MTAP: variants seen among roughly 807,000 people sequenced by gnomAD.
The protein encoded by MTAP is S-methyl-5'-thioadenosine phosphorylase.
A neutral mutation model predicts 33.6 loss-of-function variants in MTAP; 33 were observed. The ratio of observed to expected loss-of-function variants is 0.98; its 90% CI spans 0.74 to 1.31. The LOEUF (loss-of-function observed/expected upper bound fraction) is 1.31. Ranked by LOEUF, MTAP falls within the 40% of genes most tolerant of loss-of-function variation. The pLI, the probability that MTAP is intolerant of heterozygous loss-of-function variation, is 0.00. For missense variants in MTAP, 367 were observed against 360.0 expected (o/e 1.02, Z -0.16); for synonymous variants, 148 against 125.7 (o/e 1.18, Z -1.19).
At chr9:21,904,983 C>G (rs1286266225) in intron 1 of MTAP, among the ~76,000 whole-genome samples, 1 of 152,152 alleles carries the variant, frequency 6.6e-6, no homozygotes, top group African/African-American at 2.4e-5. Flanking sequence ...CTAGGGGGAG[C>G]ATTTTTGGGG....
intron 5 of MTAP, among the ~76,000 whole-genome samples, chr9:21,853,834 C>G (rs1391891108): frequency 6.6e-6 from 1 of 152,070 alleles, no homozygotes; most frequent in Non-Finnish European, 1.5e-5. Context: ...GATGATTTTT[C>G]AACAGTGCTT....
At chr9:21,861,699 G>A (rs2118572783) in intron 7 of MTAP, 1 of 437,484 alleles carries the variant, frequency 2.3e-6, no homozygotes, top group Admixed American at 3.9e-5. Flanking sequence ...CAGGCTGGGG[G>A]CTGGTATGGC....
chr9:21,912,190 T>A (rs1303923611), intron 1 of MTAP, among the ~76,000 whole-genome samples: 4 of 152,224 alleles, frequency 2.6e-5, no homozygotes, highest in African/African-American at 4.8e-5. Flanking sequence ...CACAGCCGAA[T>A]TCTACCAGAG....
chr9:21,817,813 AG>A (rs2118054388), intron 3 of MTAP, among the ~76,000 whole-genome samples: 1 of 152,224 alleles, frequency 6.6e-6, no homozygotes, highest in Non-Finnish European at 1.5e-5. Flanking sequence ...GGTCCTCACT[AG>A]GGTCTGTCTG....
intron 1 of MTAP, among the ~76,000 whole-genome samples, chr9:21,916,545 G>A (rs1338301492): frequency 2.0e-5 from 3 of 152,050 alleles, no homozygotes; most frequent in Admixed American, 6.6e-5. Context: ...AGGAGATGGA[G>A]GTTGCAGTGA....
chr9:21,878,747 A>G (rs956676330), intron 1 of MTAP, among the ~76,000 whole-genome samples: 5 of 152,128 alleles, frequency 3.3e-5, no homozygotes, highest in African/African-American at 1.2e-4. Flanking sequence ...AAATTTTAGC[A>G]AGTTGTATCT....
intron 1 of MTAP, among the ~76,000 whole-genome samples, chr9:21,902,265 A>G (rs1818404992): frequency 1.3e-5 from 2 of 152,218 alleles, no homozygotes; most frequent in South Asian, 4.1e-4. Context: ...CTGCTAAGCT[A>G]GTGTCCCTTC....
rs748163480 is a variant in MTAP at position 21,824,514 on chromosome 9, G to A, written c.347+6312G>A. ...GTGTGAGGTGTCAGTCTGCCCTACT[G>A]GGGGGTGCCTCACAGTTAGCCTACT... is the stretch of plus-strand genomic sequence containing the variant. On this transcript the variant is annotated intron_variant, in intron 4 of 7. Transcript: ENST00000644715. 7.2e-5 allele frequency among the ~76,000 whole-genome samples: 11 copies of A among 152,204 alleles called. No individual in the cohort carries two copies. The East Asian group carries it at 1.7e-3, about 24-fold the overall frequency.
At chr9:21,886,750 A>G (rs1818117101) in intron 1 of MTAP, among the ~76,000 whole-genome samples, 1 of 152,122 alleles carries the variant, frequency 6.6e-6, no homozygotes, top group African/African-American at 2.4e-5. Context: ...GGATATAAGT[A>G]TTGGACTTTA....
At chr9:21,847,678 G>A (rs1338721987) in intron 5 of MTAP, among the ~76,000 whole-genome samples, 1 of 152,184 alleles carries the variant, frequency 6.6e-6, no homozygotes, top group Non-Finnish European at 1.5e-5. Flanking sequence ...CCTAAGTTCA[G>A]TGGACAAAGT....
rs572287974 is a variant in MTAP at position 21,896,041 on chromosome 9, C to T, written c.148-34967C>T. The stretch of plus-strand genomic sequence containing the variant: ...GCACTCCTCAGCAAATGTAAAAGAA[C>T]AGAAATTATAACAAACTGTCTCTCA... On this transcript the variant is annotated intron_variant, in intron 1 of 1. Coordinates refer to the MTAP transcript ENST00000577563. 5.5e-3 allele frequency among the ~76,000 whole-genome samples: 841 copies of T among 152,266 alleles called. 4 individuals carry two copies. The highest frequency in any genetic ancestry group is 9.4e-3 in the Non-Finnish European group (640 of 68,014).
rs1228098953 is a variant in MTAP, at chr9:21,866,330, C to T, written c.*4316C>T. On this transcript the variant is annotated 3_prime_UTR_variant, in exon 8 of 8. Coordinates refer to ENST00000644715, the MANE Select transcript of MTAP (RefSeq NM_002451.4). ...GTGACTATTCTTAGTCTTTAGCTTG[C>T]CTTTTCATTTTCTTAATTATGTCTT... 3 of 152,086 alleles carry T rather than the reference C, an allele frequency of 2.0e-5. No homozygotes were observed. Among genetic ancestry groups the T allele is most frequent in the Non-Finnish European group, 2.9e-5 (2 of 68,000 alleles). 9.4% of individuals were successfully genotyped at this position (152,086 alleles called of 1,614,324 possible). A position where few individuals can be genotyped will look rare whatever the true frequency, so the allele number is the denominator to read the frequency against.
downstream of MTAP, among the ~76,000 whole-genome samples, chr9:21,870,614 A>C (rs1243440888): frequency 6.6e-6 from 1 of 152,036 alleles, no homozygotes; most frequent in Non-Finnish European, 1.5e-5. Flanking sequence ...CAAAGTAAAA[A>C]ACAGTTGAAA....
chr9:21,837,807 C>T (rs1825146915), intron 4 of MTAP, 101 bp from the exon 5 acceptor site: 1 of 863,648 alleles, frequency 1.2e-6, no homozygotes, highest in Admixed American at 2.1e-5. Context: ...GAGTAAAGAC[C>T]CAAATATTGA....
chr9:21,853,281 T>G (rs1289932527), intron 5 of MTAP, among the ~76,000 whole-genome samples: 1 of 152,120 alleles, frequency 6.6e-6, no homozygotes, highest in Admixed American at 6.5e-5. Context: ...GGGCTTGTTA[T>G]GTCTTAACTT....
intron 1 of MTAP, among the ~76,000 whole-genome samples, chr9:21,886,437 C>T (rs1274747781): frequency 7.9e-5 from 12 of 152,022 alleles, no homozygotes; most frequent in African/African-American, 2.4e-4. Context: ...TTTTGCTGTG[C>T]GGAACCTTTT....
intron 1 of MTAP, among the ~76,000 whole-genome samples, chr9:21,923,129 C>A (rs952319265): frequency 1.3e-5 from 2 of 152,170 alleles, no homozygotes; most frequent in African/African-American, 2.4e-5. Flanking sequence ...TATTCGTTCA[C>A]CCATGGCTCT....
intron 5 of MTAP, among the ~76,000 whole-genome samples, chr9:21,839,055 T>C (rs968362880): frequency 9.9e-5 from 15 of 152,148 alleles, no homozygotes; most frequent in Non-Finnish European, 4.4e-5. Flanking sequence ...TTGGGAGAAA[T>C]ATTTCTAGTC....
chr9:21,879,941 C>G (rs1306110821), intron 1 of MTAP, among the ~76,000 whole-genome samples: 1 of 151,962 alleles, frequency 6.6e-6, no homozygotes, highest in African/African-American at 2.4e-5. Context: ...GGCGGCCTGC[C>G]CTTTCTCTCT....
Sources: allele counts gnomAD v4.1 joint callset (sites outside exome capture counted in the v4.1 genomes callset), GRCh38; gene constraint gnomAD v4.1.1; transcripts MANE v1.5; gene names NCBI Gene and HGNC (gene_info 2026-07-23, HGNC 2026-07-21).